The following ITGB8 variants were observed in gnomAD, a reference collection of about 807,000 sequenced individuals.
ITGB8 encodes the protein integrin subunit beta 8, also known as integrin beta-8.
Under a neutral mutation model 89.5 loss-of-function variants are expected in ITGB8, and 30 were observed. The observed-to-expected ratio is 0.34, with a 90% CI of 0.25 to 0.45. ITGB8 has a LOEUF of 0.45. Ranked by LOEUF, ITGB8 falls within the 20% of genes least tolerant of loss-of-function variation. ITGB8 has a pLI of 1.00. For synonymous variants in ITGB8, 335 were observed against 320.4 expected (o/e 1.05, Z -0.49); for missense variants, 836 against 933.3 (o/e 0.90, Z 1.36).
intron 12 of ITGB8, among the ~76,000 whole-genome samples, chr7:20,407,808 C>T (rs932286116): frequency 2.6e-5 from 4 of 152,174 alleles, no homozygotes; most frequent in Admixed American, 6.5e-5. Context: ...GGAAAAGCCC[C>T]GGCCTGACCT....
Position 20,404,476 on chromosome 7 carries a change from T to C in ITGB8, c.1688-152T>C, listed in dbSNP as rs558302135. 17 of 682,920 alleles carry C rather than the reference T, an allele frequency of 2.5e-5. No individual in the cohort carries two copies. The East Asian group carries it at 4.6e-4, about 19-fold the overall frequency. The allele number at this position is 682,920 out of a possible 1,614,324, so 42.3% of individuals were successfully genotyped here. A position where few individuals can be genotyped will look rare whatever the true frequency, so the allele number is the denominator to read the frequency against. On this transcript the variant is annotated intron_variant, in intron 10 of 13. Coordinates refer to ENST00000222573, the MANE Select transcript of ITGB8 (RefSeq NM_002214.3). Reference sequence around the variant, plus strand: ...AAACAGACCCTCCTAAATCCAGCACTGTTTGTGTCAGACCAATGAAAAAGT... The same window carrying C: ...AAACAGACCCTCCTAAATCCAGCACCGTTTGTGTCAGACCAATGAAAAAGT...
chr7:20,363,727 G>T lies in ITGB8; in HGVS notation c.213+5G>T. The T allele has an allele frequency of 6.7e-7, 1 of 1,486,826 alleles. No homozygotes were observed. The highest frequency in any genetic ancestry group is 8.9e-7 in the Non-Finnish European group (1 of 1,125,804). 92.1% of individuals were successfully genotyped at this position (1,486,826 alleles called of 1,614,324 possible). A position where few individuals can be genotyped will look rare whatever the true frequency, so the allele number is the denominator to read the frequency against. The stretch of plus-strand genomic sequence containing the variant: ...TGTGGATGGTGTGTTCAAGAGGTGT[G>T]CCATTTTTTTTTTTCTTTTTCTCAT... On this transcript the variant is annotated splice_donor_5th_base_variant and intron_variant, in intron 2 of 13. Transcript: ENST00000222573.
intron 11 of ITGB8, among the ~76,000 whole-genome samples, chr7:20,405,404 G>A (rs1252353096): frequency 3.3e-5 from 5 of 150,192 alleles, no homozygotes; most frequent in Admixed American, 6.6e-5. Context: ...TCCGCCTCCC[G>A]GGTTCACGCC....
chr7:20,353,793 G>C (rs962619070), intron 1 of ITGB8, among the ~76,000 whole-genome samples: 1 of 150,662 alleles, frequency 6.6e-6, no homozygotes, highest in East Asian at 1.9e-4. Flanking sequence ...TTAGCCAGGC[G>C]TGGTGGCGCG....
At chr7:20,346,760 G>A (rs1032197916) in intron 1 of ITGB8, 5 of 985,040 alleles carry the variant, frequency 5.1e-6, no homozygotes, top group Admixed American at 6.2e-5. Flanking sequence ...AACACCTGAC[G>A]ATTATACCTG....
chr7:20,359,201 A>T (rs1785408980), intron 1 of ITGB8, among the ~76,000 whole-genome samples: 2 of 152,116 alleles, frequency 1.3e-5, no homozygotes, highest in African/African-American at 4.8e-5. Flanking sequence ...GGGCTTTATG[A>T]GGCACTGAGA....
At position 20,379,289 on chromosome 7, in the gene ITGB8, T is replaced by A; in HGVS notation, c.627T>A (p.Asn209Lys). 1 of 1,595,206 alleles carries A rather than the reference T, an allele frequency of 6.3e-7. No homozygotes were observed. Among genetic ancestry groups the A allele is most frequent in the Non-Finnish European group, 8.5e-7 (1 of 1,170,210 alleles). The change falls in exon 4 of 14, where the codon AAT (asparagine) becomes AAA (lysine). Residue 209 changes from asparagine (N) to lysine (K), a missense_variant. Coordinates refer to ENST00000222573, the MANE Select transcript of ITGB8 (RefSeq NM_002214.3). ...YISIHPERIH[N>K]QCSDYNLDCM... ...GCATCCACCCCGAAAGGATTCATAA[T>A]CAATGCAGGTATCTAGGGTTTGATG...
chr7:20,407,336 T>G (rs1197854939), intron 12 of ITGB8, among the ~76,000 whole-genome samples: 3 of 149,242 alleles, frequency 2.0e-5, no homozygotes, highest in African/African-American at 5.0e-5. Flanking sequence ...TGATACTTAA[T>G]AAAGCTGTTT....
At chr7:20,406,886 T>C (rs1206693542) in intron 12 of ITGB8, among the ~76,000 whole-genome samples, 1 of 152,226 alleles carries the variant, frequency 6.6e-6, no homozygotes, top group Non-Finnish European at 1.5e-5. Context: ...TAAGCTATAT[T>C]TTTATCAAAA....
chr7:20,380,319 G>A (rs900958047), intron 4 of ITGB8: 12 of 174,468 alleles, frequency 6.9e-5, no homozygotes, highest in South Asian at 3.0e-4. Flanking sequence ...GTGTTTCTCA[G>A]CTGTTCAATG....
chr7:20,391,323 C>G (rs1286541378), intron 6 of ITGB8, 80 bp from the exon 7 acceptor site: 2 of 622,684 alleles, frequency 3.2e-6, no homozygotes, highest in African/African-American at 1.9e-5. Flanking sequence ...GTAAGTCATA[C>G]AGTTTTCTTC....
intron 3 of ITGB8, among the ~76,000 whole-genome samples, chr7:20,377,729 A>C (rs1786211798): frequency 6.6e-6 from 1 of 152,218 alleles, no homozygotes; most frequent in Non-Finnish European, 1.5e-5. Context: ...GCCAAAACCT[A>C]GGAGCATTAC....
At chr7:20,368,502 C>T (rs1000538836) in intron 3 of ITGB8, among the ~76,000 whole-genome samples, 1 of 152,072 alleles carries the variant, frequency 6.6e-6, no homozygotes, top group East Asian at 1.9e-4. Flanking sequence ...GAACATTTTC[C>T]GTAAGCTGTT....
chr7:20,398,533 T>C (rs1006141703), intron 8 of ITGB8, among the ~76,000 whole-genome samples: 1 of 152,202 alleles, frequency 6.6e-6, no homozygotes, highest in South Asian at 2.1e-4. Flanking sequence ...CACTTTATCA[T>C]AAAATATAGT....
At chr7:20,354,367 G>T (rs10241490) in intron 1 of ITGB8, among the ~76,000 whole-genome samples, 79,920 of 152,000 alleles carry the variant, frequency 0.53, 21,918 homozygotes, top group South Asian at 0.69. Context: ...ATTTTATGCT[G>T]GACATTTCTT....
At chr7:20,370,600 T>TTATTATTATTATTATTATTA (rs59368586) in intron 3 of ITGB8, among the ~76,000 whole-genome samples, 1 of 144,406 alleles carries the variant, frequency 6.9e-6, no homozygotes, top group African/African-American at 2.6e-5. Flanking sequence ...TATTTACTTA[T>TTATTATTATTATTATTATTA]TTATTATTAT....
In ITGB8 at chr7:20,385,664, CTT is replaced by C. The variant is rs201157216; in HGVS notation, c.960+3782_960+3783del. ...TCATGCAACTTTAACATGTACTTGA[CTT>C]TTAAGTATGCCATTTAGGAAGCTTT... On this transcript the variant is annotated intron_variant, in intron 6 of 13. Transcript: ENST00000222573. Among the ~76,000 whole-genome samples the C allele has an allele frequency of 9.4e-3, 1,426 of 152,322 alleles. 12 individuals are homozygous for C. The highest frequency in any genetic ancestry group is 0.013 in the Non-Finnish European group (904 of 68,020).
At chr7:20,369,253 C>A (rs1785832196) in intron 3 of ITGB8, among the ~76,000 whole-genome samples, 1 of 151,722 alleles carries the variant, frequency 6.6e-6, no homozygotes, top group Non-Finnish European at 1.5e-5. Flanking sequence ...AATAAACAGT[C>A]TCTTAGTCTG....
At chr7:20,400,712 A>G (rs1376868169) in intron 9 of ITGB8, among the ~76,000 whole-genome samples, 1 of 152,126 alleles carries the variant, frequency 6.6e-6, no homozygotes, top group African/African-American at 2.4e-5. Context: ...CATTTGACCA[A>G]TTCCTGCCAG....
Sources: gnomAD v4.1 joint callset for allele counts (sites outside exome capture counted in the v4.1 genomes callset) on GRCh38, gnomAD v4.1.1 for gene constraint, MANE v1.5 for transcripts, NCBI Gene and HGNC (gene_info 2026-07-23, HGNC 2026-07-21) for gene names.